NEGR1: variants seen among roughly 807,000 people sequenced by gnomAD.
The protein encoded by NEGR1 is neuronal growth regulator 1, also known as IgLON family member 4.
In NEGR1, 10 loss-of-function variants were observed where a neutral mutation model predicts 40.9. The observed-to-expected ratio is 0.24, with a 90% CI of 0.15 to 0.42. The LOEUF (loss-of-function observed/expected upper bound fraction) is 0.42, where lower values mean the gene tolerates loss of function less well. Among genes scored for constraint, NEGR1 ranks in the 10% least tolerant of loss-of-function variants. The pLI is 1.00. For synonymous variants in NEGR1, 185 were observed against 166.8 expected, an observed-to-expected ratio of 1.11 and a Z score of -0.84; for missense variants, 352 against 438.9, an observed-to-expected ratio of 0.80 and a Z score of 1.77.
At chr1:71,819,893 A>G (rs2101774710) in intron 2 of NEGR1, among the ~76,000 whole-genome samples, 1 of 152,136 alleles carries the variant, frequency 6.6e-6, no homozygotes, top group Non-Finnish European at 1.5e-5. Context: ...GAAGACACCA[A>G]GGCCATTATG....
intron 3 of NEGR1, among the ~76,000 whole-genome samples, chr1:71,730,974 C>T (rs1385282791): frequency 6.7e-6 from 1 of 150,238 alleles, no homozygotes; most frequent in African/African-American, 2.5e-5. Context: ...AGCTAAAGGT[C>T]AATAGCAAGT....
chr1:72,024,477 C>T (rs1646789491), intron 1 of NEGR1, among the ~76,000 whole-genome samples: 1 of 151,860 alleles, frequency 6.6e-6, no homozygotes, highest in African/African-American at 2.4e-5. Context: ...AAATAAAAAT[C>T]CTTGATAAAT....
intron 1 of NEGR1, among the ~76,000 whole-genome samples, chr1:71,943,404 T>C (rs1307676604): frequency 6.6e-6 from 1 of 151,488 alleles, no homozygotes; most frequent in East Asian, 2.0e-4. Context: ...AATTTGGTTA[T>C]GATTAAGTCA....
At chr1:72,012,640 CCT>C (rs1646667001) in intron 1 of NEGR1, among the ~76,000 whole-genome samples, 1 of 151,858 alleles carries the variant, frequency 6.6e-6, no homozygotes, top group South Asian at 2.1e-4. Context: ...AAGAACTTCC[CCT>C]GTTTAAGCCA....
At chr1:71,828,807 G>A (rs1375721846) in intron 2 of NEGR1, among the ~76,000 whole-genome samples, 1 of 151,866 alleles carries the variant, frequency 6.6e-6, no homozygotes, top group Non-Finnish European at 1.5e-5. Flanking sequence ...CCTGCAGTGT[G>A]AGCTCTGCTC....
intron 2 of NEGR1, among the ~76,000 whole-genome samples, chr1:71,901,123 A>T (rs906327566): frequency 6.6e-6 from 1 of 152,218 alleles, no homozygotes. Flanking sequence ...AGTGTCAATG[A>T]AGCAGCCATA....
intron 3 of NEGR1, among the ~76,000 whole-genome samples, chr1:71,722,829 T>C (rs1023609652): frequency 6.6e-6 from 1 of 152,114 alleles, no homozygotes; most frequent in Non-Finnish European, 1.5e-5. Context: ...CATTGAATTA[T>C]CACCACATTC....
chr1:71,586,417 C>T (rs1649307849), intron 6 of NEGR1, among the ~76,000 whole-genome samples: 2 of 152,138 alleles, frequency 1.3e-5, no homozygotes, highest in South Asian at 4.1e-4. Context: ...CCAGTTTTAT[C>T]TTTGTTATAC....
At chr1:71,595,801 T>A (rs986797486) in intron 5 of NEGR1, among the ~76,000 whole-genome samples, 1 of 152,076 alleles carries the variant, frequency 6.6e-6, no homozygotes, top group Non-Finnish European at 1.5e-5. Context: ...GATATATAAA[T>A]TTGAGCCACA....
intron 6 of NEGR1, among the ~76,000 whole-genome samples, chr1:71,447,783 T>C (rs1186484018): frequency 6.6e-6 from 1 of 152,208 alleles, no homozygotes. Context: ...ATGACTAGAA[T>C]GAGCTTAACC....
At chr1:71,559,063 G>A (rs1032951015) in intron 6 of NEGR1, among the ~76,000 whole-genome samples, 1 of 145,240 alleles carries the variant, frequency 6.9e-6, no homozygotes, top group Non-Finnish European at 1.5e-5. Context: ...ATATTCATGT[G>A]TATGCATATA....
At chr1:71,927,004 G>T (rs1375002977) in intron 2 of NEGR1, among the ~76,000 whole-genome samples, 1 of 151,864 alleles carries the variant, frequency 6.6e-6, no homozygotes, top group Non-Finnish European at 1.5e-5. Flanking sequence ...AGAATATTTA[G>T]AACAAAAAAA....
intron 1 of NEGR1, among the ~76,000 whole-genome samples, chr1:72,223,007 T>G (rs1226452523): frequency 6.6e-6 from 1 of 152,192 alleles, no homozygotes; most frequent in African/African-American, 2.4e-5. Context: ...TTGTGCCTAC[T>G]GGACATTTAA....
intron 1 of NEGR1, among the ~76,000 whole-genome samples, chr1:72,001,021 C>T (rs1646552928): frequency 6.6e-6 from 1 of 152,024 alleles, no homozygotes; most frequent in Non-Finnish European, 1.5e-5. Context: ...ATGGAAAACT[C>T]CATCCCCCGA....
chr1:71,955,439 T>C (rs972146049), intron 1 of NEGR1, among the ~76,000 whole-genome samples: 2 of 152,132 alleles, frequency 1.3e-5, no homozygotes, highest in African/African-American at 4.8e-5. Context: ...CTGGATCCTC[T>C]GATATGACAG....
rs145569356 is a variant in NEGR1 at position 71,399,689 on chromosome 1, T to G, written c.*7757A>C. 6.6e-6 allele frequency: 1 copy of G among 152,324 alleles called. No individual in the cohort carries two copies. Among genetic ancestry groups the G allele is most frequent in the African/African-American group, 2.4e-5 (1 of 41,584 alleles). 9.4% of individuals were successfully genotyped at this position (152,324 alleles called of 1,614,324 possible). A position where few individuals can be genotyped will look rare whatever the true frequency, so the allele number is the denominator to read the frequency against. ...AAAAAGACATCAGCTTGAAGCAGTT[T>G]CAAATCTCTGGCAATGATTTCTTAA... On this transcript the variant is annotated 3_prime_UTR_variant, in exon 7 of 7. Coordinates refer to ENST00000357731, the MANE Select transcript of NEGR1 (RefSeq NM_173808.3).
chr1:72,186,987 G>T (rs953905038), intron 1 of NEGR1, among the ~76,000 whole-genome samples: 1 of 151,500 alleles, frequency 6.6e-6, no homozygotes, highest in African/African-American at 2.4e-5. Context: ...TCTTCAAAAG[G>T]GGGAAAACAC....
At chr1:71,688,294 A>AG (rs1470795992) in intron 4 of NEGR1, among the ~76,000 whole-genome samples, 2 of 107,082 alleles carry the variant, frequency 1.9e-5, no homozygotes, top group African/African-American at 3.5e-5. Context: ...GGTGAACTGG[A>AG]GGAGTTTCCC....
At chr1:71,860,353 A>G (rs1463946793) in intron 2 of NEGR1, among the ~76,000 whole-genome samples, 3 of 151,934 alleles carry the variant, frequency 2.0e-5, no homozygotes, top group Non-Finnish European at 2.9e-5. Flanking sequence ...TTTTATTACT[A>G]TCTCTTTACA....
Sources: gnomAD v4.1 joint callset for allele counts (sites outside exome capture counted in the v4.1 genomes callset) on GRCh38, gnomAD v4.1.1 for gene constraint, MANE v1.5 for transcripts, NCBI Gene and HGNC (gene_info 2026-07-23, HGNC 2026-07-21) for gene names.